RCSD1: variants seen among roughly 807,000 people sequenced by gnomAD.
RCSD1 encodes the protein capZ-interacting protein.
RCSD1 carries 26 observed loss-of-function variants against 42.5 expected under a neutral mutation model. The observed-to-expected ratio is 0.61, with a 90% CI of 0.45 to 0.85. The LOEUF is 0.85. Ranked by LOEUF, RCSD1 falls within the 40% of genes least tolerant of loss-of-function variation. The pLI is 0.00. For missense variants in RCSD1, 571 were observed against 528.3 expected (o/e 1.08, Z -0.79); for synonymous variants, 220 against 212.2 (o/e 1.04, Z -0.32).
intron 1 of RCSD1, among the ~76,000 whole-genome samples, chr1:167,662,224 G>A (rs565061930): frequency 1.6e-4 from 25 of 152,264 alleles, no homozygotes; most frequent in African/African-American, 5.3e-4. Flanking sequence ...AAAAGTAACA[G>A]GAAAGAAAAC....
At chr1:167,656,394 C>T (rs964015549) in intron 1 of RCSD1, among the ~76,000 whole-genome samples, 9 of 152,282 alleles carry the variant, frequency 5.9e-5, no homozygotes, top group Middle Eastern at 3.4e-3. Flanking sequence ...ACCTCCTTGT[C>T]GGGCAAATGG....
At chr1:167,702,956 CAA>C (rs1373519470) in intron 6 of RCSD1, among the ~76,000 whole-genome samples, 1 of 152,176 alleles carries the variant, frequency 6.6e-6, no homozygotes, top group Non-Finnish European at 1.5e-5. Flanking sequence ...GCTGTATTAA[CAA>C]TAAGTGCCGA....
intron 1 of RCSD1, among the ~76,000 whole-genome samples, chr1:167,639,572 A>C (rs1412133434): frequency 1.3e-5 from 2 of 151,936 alleles, no homozygotes; most frequent in Admixed American, 6.6e-5. Context: ...GGCTCACTGC[A>C]ACCTCCACCT....
intron 1 of RCSD1, among the ~76,000 whole-genome samples, chr1:167,679,212 C>T (rs950939611): frequency 3.9e-5 from 6 of 152,116 alleles, no homozygotes; most frequent in Non-Finnish European, 5.9e-5. Flanking sequence ...CCTGCACTTA[C>T]TGACTTGAAT....
intron 1 of RCSD1, among the ~76,000 whole-genome samples, chr1:167,678,217 CA>C (rs1369383010): frequency 1.3e-5 from 2 of 152,278 alleles, no homozygotes; most frequent in Non-Finnish European, 2.9e-5. Flanking sequence ...CATCAACTAC[CA>C]TTTCTAGCTA....
At chr1:167,680,448 C>CTGTTTTTGTTTT (rs143240113) in intron 1 of RCSD1, among the ~76,000 whole-genome samples, 2,348 of 146,908 alleles carry the variant, frequency 0.016, 36 homozygotes, top group Middle Eastern at 0.031. Context: ...TAGATGAGCC[C>CTGTTTTTGTTTT]TGTTTTTGTT....
chr1:167,668,199 C>CGCA (rs1553249900), intron 1 of RCSD1, among the ~76,000 whole-genome samples: 4 of 151,942 alleles, frequency 2.6e-5, no homozygotes, highest in Non-Finnish European at 5.9e-5. Context: ...GCAGGAGAAT[C>CGCA]GCTTGAACCT....
At chr1:167,687,254 G>A (rs944543269) in intron 3 of RCSD1, among the ~76,000 whole-genome samples, 3 of 152,248 alleles carry the variant, frequency 2.0e-5, no homozygotes, top group African/African-American at 7.2e-5. Context: ...GCAGGGCGTA[G>A]TGGCTCACGC....
chr1:167,661,587 G>C (rs1382566548), intron 1 of RCSD1, among the ~76,000 whole-genome samples: 2 of 152,242 alleles, frequency 1.3e-5, no homozygotes, highest in Admixed American at 1.3e-4. Context: ...TCCTGCAAAA[G>C]CCACAGCAGC....
intron 3 of RCSD1, among the ~76,000 whole-genome samples, chr1:167,689,780 T>C (rs1659331595): frequency 6.6e-6 from 1 of 152,174 alleles, no homozygotes; most frequent in Admixed American, 6.5e-5. Context: ...AACAATGAAG[T>C]CACTCTTCCT....
chr1:167,696,758 T>C (rs960673847), intron 5 of RCSD1, among the ~76,000 whole-genome samples: 10 of 152,198 alleles, frequency 6.6e-5, no homozygotes, highest in Admixed American at 2.0e-4. Flanking sequence ...GGCAAGAATT[T>C]TTTTTTAAGT....
intron 1 of RCSD1, among the ~76,000 whole-genome samples, chr1:167,671,076 G>GT (rs1411868758): frequency 1.3e-5 from 2 of 152,106 alleles, no homozygotes; most frequent in Non-Finnish European, 2.9e-5. Flanking sequence ...CCTATTCTCC[G>GT]TTTTCTTATA....
intron 1 of RCSD1, among the ~76,000 whole-genome samples, chr1:167,676,072 A>G (rs1037573346): frequency 2.6e-5 from 4 of 152,228 alleles, no homozygotes; most frequent in South Asian, 2.1e-4. Flanking sequence ...TTCACCTACA[A>G]AAACTCATTA....
intron 1 of RCSD1, among the ~76,000 whole-genome samples, chr1:167,655,568 A>G (rs1175914865): frequency 6.6e-6 from 1 of 152,192 alleles, no homozygotes; most frequent in African/African-American, 2.4e-5. Flanking sequence ...GGCAAGGTGA[A>G]GGGAACACAC....
At chr1:167,655,240 G>A (rs6659391) in intron 1 of RCSD1, among the ~76,000 whole-genome samples, 5,786 of 152,256 alleles carry the variant, frequency 0.038, 161 homozygotes, top group Non-Finnish European at 0.06. Context: ...TTGTTAAAGC[G>A]TCTGGTCCAG....
rs887078131 is a variant in RCSD1, at chr1:167,707,261, A to G, written c.*2565A>G. Among the ~76,000 whole-genome samples, 1 of 152,222 alleles carries G rather than the reference A, an allele frequency of 6.6e-6. No homozygotes were observed. Among genetic ancestry groups the G allele is most frequent in the Non-Finnish European group, 1.5e-5 (1 of 68,048 alleles). ...CAGTTTTTCATGCAGGTTTTGTCCT[A>G]TGACCAGTTAACTACATGTTCAATA... is the stretch of plus-strand genomic sequence containing the variant. On this transcript the variant is annotated 3_prime_UTR_variant, in exon 7 of 7. Coordinates refer to ENST00000367854, the MANE Select transcript of RCSD1 (RefSeq NM_052862.4).
At chr1:167,635,677 T>C (rs1657826736) in intron 1 of RCSD1, among the ~76,000 whole-genome samples, 2 of 152,182 alleles carry the variant, frequency 1.3e-5, no homozygotes, top group South Asian at 4.1e-4. Flanking sequence ...AGTAATAATA[T>C]TTAAGTCTGT....
intron 2 of RCSD1, among the ~76,000 whole-genome samples, chr1:167,684,496 G>A (rs1659173004): frequency 6.6e-6 from 1 of 152,176 alleles, no homozygotes; most frequent in African/African-American, 2.4e-5. Context: ...ACCAGTAGAG[G>A]AAAGTGTGAC....
In RCSD1 at chr1:167,685,501, T is replaced by A. The variant is rs1325701731; in HGVS notation, c.189T>A (p.Asn63Lys). The A allele has an allele frequency of 1.2e-6, 2 of 1,613,472 alleles. No individual in the cohort carries two copies. Among genetic ancestry groups the A allele is most frequent in the Non-Finnish European group, 1.7e-6 (2 of 1,179,624 alleles). ...CCCCCAAGGTAGACCTGGGCCAGAATGGTGAGGAGGTAAGTGCTGCTGTTG... is the reference window on the plus strand; with the variant it reads ...CCCCCAAGGTAGACCTGGGCCAGAAAGGTGAGGAGGTAAGTGCTGCTGTTG... The part of the protein sequence containing the change: ...LFPPKVDLGQ[N>K]GEEKSPPNAS... The change falls in exon 3 of 7, where the codon AAT becomes AAA. Residue 63 changes from asparagine to lysine, a missense_variant. Physicochemically the swap from Asn to Lys is moderately conservative, Grantham distance 94. Coordinates refer to ENST00000367854, the MANE Select transcript of RCSD1 (RefSeq NM_052862.4).
Sources: allele counts gnomAD v4.1 joint callset (sites outside exome capture counted in the v4.1 genomes callset), GRCh38; gene constraint gnomAD v4.1.1; transcripts MANE v1.5; gene names NCBI Gene and HGNC (gene_info 2026-07-23, HGNC 2026-07-21).